CAPS2: variants seen among roughly 807,000 people sequenced by gnomAD.
CAPS2 encodes calcyphosine 2.
A neutral mutation model predicts 86.5 loss-of-function variants in CAPS2; 98 were observed. The observed-to-expected ratio is 1.13, with a 90% confidence interval of 0.96 to 1.34. CAPS2 has a LOEUF of 1.34. Ranked by LOEUF, CAPS2 falls within the 40% of genes most tolerant of loss-of-function variation. The pLI, the probability that CAPS2 is intolerant of heterozygous loss-of-function variation, is 0.00. For missense variants in CAPS2, 729 were observed against 686.8 expected, an observed-to-expected ratio of 1.06 and a Z score of -0.69; for synonymous variants, 210 against 225.1, an observed-to-expected ratio of 0.93 and a Z score of 0.60.
intron 1 of CAPS2, among the ~76,000 whole-genome samples, chr12:75,366,079 T>C (rs1304936519): frequency 1.3e-5 from 2 of 152,158 alleles, no homozygotes; most frequent in African/African-American, 4.8e-5. Flanking sequence ...AAAGCCAGTT[T>C]ATTTATTAAA....
chr12:75,289,551 G>A (rs1328223924), intron 14 of CAPS2, 70 bp downstream of exon 14: 3 of 1,361,340 alleles, frequency 2.2e-6, no homozygotes, highest in African/African-American at 1.5e-5. Flanking sequence ...TAAAATTTCA[G>A]TAGAACAGTG....
At chr12:75,283,797 G>A (rs1005462985) in intron 15 of CAPS2, among the ~76,000 whole-genome samples, 3 of 152,024 alleles carry the variant, frequency 2.0e-5, no homozygotes, top group Non-Finnish European at 2.9e-5. Flanking sequence ...CTGGGCAACA[G>A]AGCAAGACTC....
chr12:75,301,039 G>A (rs1360354901), intron 8 of CAPS2, among the ~76,000 whole-genome samples: 3 of 152,132 alleles, frequency 2.0e-5, no homozygotes, highest in African/African-American at 4.8e-5. Context: ...CCTTCAGACA[G>A]TACTGAATGA....
intron 1 of CAPS2, 161 bp from the exon 3 acceptor site, chr12:75,325,449 G>A (rs975472112): frequency 4.3e-5 from 11 of 257,742 alleles, no homozygotes; most frequent in Admixed American, 1.3e-4. Context: ...CTGTGCTTGA[G>A]ACACAGATAA....
chr12:75,298,804 T>G lies in CAPS2; in HGVS notation c.951-24A>C, dbSNP rs558788892. The G allele has an allele frequency of 4.4e-6, 7 of 1,594,950 alleles. No individual in the cohort carries two copies. In the South Asian group the frequency reaches 7.7e-5, roughly 18 times the overall value. On this transcript the variant is annotated intron_variant, in intron 10 of 16. Coordinates refer to ENST00000393284, the Ensembl canonical transcript of CAPS2. ...TTCTAGAAAGTAAATGAAAAAAAAA[T>G]GGAAAGTTATTTAGCTTCTCTCGGA...
chr12:75,306,266 G>T, intron 7 of CAPS2: 1 of 624,250 alleles, frequency 1.6e-6, no homozygotes, highest in South Asian at 1.8e-5. Context: ...GGCCAGGCAG[G>T]CCTTCCGGAT....
At chr12:75,295,371 A>T (rs1450241698) in intron 11 of CAPS2, among the ~76,000 whole-genome samples, 3 of 152,246 alleles carry the variant, frequency 2.0e-5, no homozygotes, top group East Asian at 3.9e-4. Context: ...CACCACCATA[A>T]CTGTCAGTAT....
chr12:75,354,079 G>A (rs963079814), intron 1 of CAPS2, among the ~76,000 whole-genome samples: 2 of 142,760 alleles, frequency 1.4e-5, no homozygotes, highest in Non-Finnish European at 3.0e-5. Flanking sequence ...TTGAAAACCA[G>A]TATAAGACAA....
chr12:75,337,655 C>T (rs553956574), intron 1 of CAPS2, among the ~76,000 whole-genome samples: 2 of 152,016 alleles, frequency 1.3e-5, no homozygotes, highest in South Asian at 4.1e-4. Flanking sequence ...AAACTACCTA[C>T]CTCAAGATTG....
intron 1 of CAPS2, among the ~76,000 whole-genome samples, chr12:75,341,363 C>G (rs2042092957): frequency 6.6e-6 from 1 of 152,208 alleles, no homozygotes; most frequent in Admixed American, 6.5e-5. Flanking sequence ...CCATGGCTCT[C>G]AAAGGCATTA....
chr12:75,276,215 T>A (rs2137909140), downstream of CAPS2: 1 of 1,543,582 alleles, frequency 6.5e-7, no homozygotes, highest in South Asian at 1.2e-5. Context: ...TTCTTTTTTT[T>A]AAGCATTTTC....
At chr12:75,371,042 T>C (rs1182978710) in intron 1 of CAPS2, 1 of 152,250 alleles carries the variant, frequency 6.6e-6, no homozygotes, top group East Asian at 1.9e-4. Flanking sequence ...GTTATATGCA[T>C]GTATAAATGA....
intron 1 of CAPS2, among the ~76,000 whole-genome samples, chr12:75,366,640 C>A (rs530166743): frequency 4.1e-5 from 6 of 146,466 alleles, no homozygotes; most frequent in Non-Finnish European, 9.1e-5. Context: ...CAGATTGTTG[C>A]CTACTTTTTT....
intron 14 of CAPS2, among the ~76,000 whole-genome samples, chr12:75,285,394 C>T (rs748963413): frequency 1.3e-5 from 2 of 151,912 alleles, no homozygotes; most frequent in Non-Finnish European, 2.9e-5. Flanking sequence ...TATTTCAATA[C>T]ATGTGTACAT....
At chr12:75,285,393 A>G (rs1263764658) in intron 14 of CAPS2, among the ~76,000 whole-genome samples, 1 of 152,044 alleles carries the variant, frequency 6.6e-6, no homozygotes, top group Admixed American at 6.6e-5. Context: ...ATATTTCAAT[A>G]CATGTGTACA....
chr12:75,324,947 A>G (rs2040627709), intron 2 of CAPS2, among the ~76,000 whole-genome samples: 1 of 152,156 alleles, frequency 6.6e-6, no homozygotes, highest in South Asian at 2.1e-4. Context: ...TCTTTAATGA[A>G]TGCATATAGC....
At chr12:75,301,415 T>C (rs1256982218) in intron 8 of CAPS2, among the ~76,000 whole-genome samples, 1 of 152,212 alleles carries the variant, frequency 6.6e-6, no homozygotes, top group Non-Finnish European at 1.5e-5. Context: ...TTTAATCTGC[T>C]GGGATTAATG....
At chr12:75,285,209 G>T in intron 14 of CAPS2, 129 bp from the exon 15 acceptor site, 1 of 851,914 alleles carries the variant, frequency 1.2e-6, no homozygotes, top group Non-Finnish European at 1.7e-6. Context: ...AATTGAAGAA[G>T]CTACATAAAA....
At chr12:75,277,094 A>T, downstream of CAPS2, 2 of 981,770 alleles carry the variant, frequency 2.0e-6, no homozygotes, top group Non-Finnish European at 2.4e-6. Context: ...AAAAAATCTC[A>T]TAAATAGAGC....
Sources: gnomAD v4.1 joint callset for allele counts (sites outside exome capture counted in the v4.1 genomes callset) on GRCh38, gnomAD v4.1.1 for gene constraint, MANE v1.5 for transcripts, NCBI Gene and HGNC (gene_info 2026-07-23, HGNC 2026-07-21) for gene names.